PABPC1L: variants seen among roughly 807,000 people sequenced by gnomAD.
The protein encoded by PABPC1L is polyadenylate-binding protein 1-like.
A neutral mutation model predicts 66.6 loss-of-function variants in PABPC1L; 31 were observed. The observed-to-expected ratio is 0.47, with a 90% CI of 0.35 to 0.63. The LOEUF is 0.63. Among genes scored for constraint, PABPC1L ranks in the 20% least tolerant of loss-of-function variants. The probability of loss-of-function intolerance (pLI) is 0.00; values close to 1 mark genes in which losing one functional copy is unlikely to be tolerated. For synonymous variants in PABPC1L, 348 were observed against 335.1 expected, an observed-to-expected ratio of 1.04 and a Z score of -0.42; for missense variants, 722 against 848.8, an observed-to-expected ratio of 0.85 and a Z score of 1.86.
In PABPC1L at chr20:44,939,218, A is replaced by G; in HGVS notation, c.*99A>G. 1.4e-6 allele frequency: 1 copy of G among 717,798 alleles called. No individual in the cohort carries two copies. Among genetic ancestry groups the G allele is most frequent in the Non-Finnish European group, 2.6e-6 (1 of 385,144 alleles). 44.5% of individuals were successfully genotyped at this position (717,798 alleles called of 1,614,324 possible). A position where few individuals can be genotyped will look rare whatever the true frequency, so the allele number is the denominator to read the frequency against. On this transcript the variant is annotated 3_prime_UTR_variant, in exon 15 of 15. Transcript: ENST00000217073. ...GCAAACTCTAACTTATTTCCCAATTAGTCTGTATCTATACTTGGGCTCTGT... is the reference window on the plus strand; with the variant it reads ...GCAAACTCTAACTTATTTCCCAATTGGTCTGTATCTATACTTGGGCTCTGT...
chr20:44,937,395 C>T (rs2066909461), intron 12 of PABPC1L, among the ~76,000 whole-genome samples: 1 of 151,658 alleles, frequency 6.6e-6, no homozygotes, highest in Admixed American at 6.6e-5. Flanking sequence ...TGCCACATTA[C>T]CCCTTCCCCT....
In PABPC1L at chr20:44,910,356, C is replaced by T. The variant is rs1267930575; in HGVS notation, c.193+20C>T. The T allele has an allele frequency of 2.7e-6, 4 of 1,477,250 alleles. No individual in the cohort carries two copies. The highest frequency in any genetic ancestry group is 2.2e-5 in the Admixed American group (1 of 45,360). The allele number at this position is 1,477,250 out of a possible 1,614,324, so 91.5% of individuals were successfully genotyped here. On this transcript the variant is annotated intron_variant, in intron 1 of 14. Transcript: ENST00000217073. The stretch of plus-strand genomic sequence containing the variant: ...CGGACGGTGAGCCCCGGGGATGGGG[C>T]GGGAGGGGAAGGACCGACGGACAAG...
At position 44,937,959 on chromosome 20, in the gene PABPC1L, GAGA is replaced by G; in HGVS notation, c.1661-97_1661-95del. 5 of 1,525,632 alleles carry G rather than the reference GAGA, an allele frequency of 3.3e-6. No homozygotes were observed. The South Asian group carries it at 3.7e-5, about 11-fold the overall frequency. The allele number at this position is 1,525,632 out of a possible 1,614,324, so 94.5% of individuals were successfully genotyped here. Reference sequence around the variant, plus strand: ...CATAGCCTAGAAGGAGCAGTTCTGGGAGAAGAACCCAGATGTCCTCAGTGCTCC... The same window carrying G: ...CATAGCCTAGAAGGAGCAGTTCTGGGAGAACCCAGATGTCCTCAGTGCTCC... On this transcript the variant is annotated intron_variant, in intron 12 of 14. Transcript: ENST00000217073.
intron 12 of PABPC1L, chr20:44,937,792 C>T: frequency 7.0e-6 from 3 of 428,578 alleles, no homozygotes; most frequent in Non-Finnish European, 1.2e-5. Flanking sequence ...TTTTCACTTT[C>T]TTCATGGGAC....
rs1242266365 is a variant in PABPC1L, at chr20:44,919,258, A to C, written c.719A>C (p.Lys240Thr). 6.2e-7 allele frequency: 1 copy of C among 1,614,176 alleles called. No homozygotes were observed. Among genetic ancestry groups the C allele is most frequent in the Non-Finnish European group, 8.5e-7 (1 of 1,180,034 alleles). The change falls in exon 5 of 15, where the codon AAG (lysine) becomes ACG (threonine). Residue 240 changes from lysine to threonine, a missense_variant. By Grantham distance (78) the Lys-to-Thr change is moderately conservative. Transcript: ENST00000217073. ...SRCFGFVNFE[K>T]HEEAQKAVVH... ...TGCTTTGGCTTTGTCAACTTTGAGA[A>C]GCATGAGGAAGCCCAGAAGGTAGGA...
At chr20:44,921,446 AC>A in intron 5 of PABPC1L, 147 bp from the exon 6 acceptor site, 1 of 1,166,392 alleles carries the variant, frequency 8.6e-7, no homozygotes, top group Non-Finnish European at 1.2e-6. Flanking sequence ...AAGTGGGTAT[AC>A]TTAAATGGCC....
chr20:44,919,414 G>A (rs373064536), intron 5 of PABPC1L, 137 bp downstream of exon 5: 33 of 912,990 alleles, frequency 3.6e-5, no homozygotes, highest in Middle Eastern at 3.3e-4. Context: ...CTGTGTGCAG[G>A]CAAAGCCCTT....
At chr20:44,910,372 G>A in intron 1 of PABPC1L, 36 bp downstream of exon 1, 1 of 1,450,076 alleles carries the variant, frequency 6.9e-7, no homozygotes, top group South Asian at 1.4e-5. Context: ...GGGAAGGACC[G>A]ACGGACAAGC....
intron 7 of PABPC1L, among the ~76,000 whole-genome samples, chr20:44,928,183 G>A (rs1160241063): frequency 6.6e-6 from 1 of 152,010 alleles, no homozygotes; most frequent in Non-Finnish European, 1.5e-5. Flanking sequence ...CCTGGGTTCT[G>A]CCTCAACCTC....
chr20:44,933,214 G>A, intron 10 of PABPC1L, 29 bp downstream of exon 10: 1 of 1,564,650 alleles, frequency 6.4e-7, no homozygotes, highest in African/African-American at 1.3e-5. Context: ...AAGGGGAATG[G>A]GGGTGGGGCA....
intron 13 of PABPC1L, 58 bp downstream of exon 13, chr20:44,938,249 A>C (rs553756611): frequency 1.3e-6 from 2 of 1,580,944 alleles, no homozygotes; most frequent in African/African-American, 2.7e-5. Flanking sequence ...GCTAACGACA[A>C]GGGCTCTCCT....
chr20:44,912,680 A>G lies in PABPC1L; in HGVS notation c.214A>G (p.Met72Val), dbSNP rs760289219. 7 of 1,613,502 alleles carry G rather than the reference A, an allele frequency of 4.3e-6. No homozygotes were observed. Among genetic ancestry groups the G allele is most frequent in the Admixed American group, 3.3e-5 (2 of 59,992 alleles). The change falls in exon 2 of 15, where the codon ATG becomes GTG. Residue 72 changes from methionine to valine, a missense_variant. Met to Val is a conservative substitution (Grantham distance 21, BLOSUM62 1). Around this residue, in one of 3 missense-constraint regions of PABPC1L, gnomAD observed 284 missense variants for 294.8 expected, o/e 0.96. Transcript: ENST00000217073. Reference sequence around the variant, plus strand: ...TCCAGCGGAGCGGGCACTGGACACAATGAACTTTGAGATGCTCAAAGGCCA... The same window carrying G: ...TCCAGCGGAGCGGGCACTGGACACAGTGAACTTTGAGATGCTCAAAGGCCA... ...PADAERALDTMNFEMLKGQPI... is the reference protein window; with the variant it reads ...PADAERALDTVNFEMLKGQPI...
intron 7 of PABPC1L, among the ~76,000 whole-genome samples, chr20:44,926,835 C>T (rs146228266): frequency 0.012 from 1,829 of 152,214 alleles, 31 homozygotes; most frequent in African/African-American, 0.039. Context: ...GCGTGAACCA[C>T]TGTGCCTGGC....
At chr20:44,938,948 T>C (rs2066922729) in intron 14 of PABPC1L, among the ~76,000 whole-genome samples, 178 bp from the exon 15 acceptor site, 1 of 152,108 alleles carries the variant, frequency 6.6e-6, no homozygotes, top group South Asian at 2.1e-4. Flanking sequence ...GTGAAGGAGG[T>C]GCCCTCTTGC....
intron 7 of PABPC1L, among the ~76,000 whole-genome samples, chr20:44,926,037 C>T (rs530643859): frequency 1.3e-5 from 2 of 152,152 alleles, no homozygotes; most frequent in Non-Finnish European, 2.9e-5. Context: ...CATCTGCATT[C>T]AATAAGTAGT....
chr20:44,920,753 G>A (rs1197527803), intron 5 of PABPC1L, among the ~76,000 whole-genome samples: 2 of 148,292 alleles, frequency 1.3e-5, no homozygotes, highest in African/African-American at 2.5e-5. Context: ...ACAGGCGTGA[G>A]CCACCATGCC....
intron 12 of PABPC1L, chr20:44,937,774 T>C (rs2066912575): frequency 2.7e-6 from 1 of 376,848 alleles, no homozygotes; most frequent in Non-Finnish European, 4.8e-6. Flanking sequence ...AGTAGTTCTC[T>C]GTAAACATTT....
chr20:44,938,304 C>T (rs2066917460), intron 13 of PABPC1L, 113 bp downstream of exon 13: 2 of 1,367,054 alleles, frequency 1.5e-6, no homozygotes, highest in Non-Finnish European at 1.9e-6. Flanking sequence ...AGTGTTTCTT[C>T]TTGCTAATAC....
chr20:44,924,345 C>T, intron 7 of PABPC1L, 89 bp downstream of exon 7: 2 of 1,049,260 alleles, frequency 1.9e-6, no homozygotes, highest in South Asian at 2.8e-5. Context: ...CACCCTCTCG[C>T]CCAGCAGCCT....
Sources: allele counts gnomAD v4.1 joint callset (sites outside exome capture counted in the v4.1 genomes callset), GRCh38; gene constraint gnomAD v4.1.1; regional missense constraint gnomAD v4.1.1; transcripts MANE v1.5; gene names NCBI Gene and HGNC (gene_info 2026-07-23, HGNC 2026-07-21).